NLRP5: variants seen among roughly 807,000 people sequenced by gnomAD.
The protein encoded by NLRP5 is NLR family pyrin domain containing 5.
In NLRP5, 93 loss-of-function variants were observed where a neutral mutation model predicts 113.1. That is an observed-to-expected ratio of 0.82 (90% confidence interval 0.70 to 0.98). NLRP5 has a LOEUF of 0.98. Among genes scored for constraint, NLRP5 ranks in the 50% least tolerant of loss-of-function variants. NLRP5 has a pLI of 0.00. For synonymous variants in NLRP5, 751 were observed against 600.7 expected (o/e 1.25, Z -3.66); for missense variants, 1,808 against 1,514.3 (o/e 1.19, Z -3.22).
chr19:56,053,545 T>C, intron 12 of NLRP5, 93 bp from the exon 13 acceptor site: 2 of 1,149,784 alleles, frequency 1.7e-6, no homozygotes. Context: ...CAGGAAGGAA[T>C]AAAGGAAACT....
At chr19:56,013,596 G>GGGTTTTTT (rs1555765383) in intron 3 of NLRP5, among the ~76,000 whole-genome samples, 1 of 59,284 alleles carries the variant, frequency 1.7e-5, no homozygotes, top group Non-Finnish European at 2.9e-5. Flanking sequence ...GGACATTTGG[G>GGGTTTTTT]TTTTTTTTTT....
At chr19:55,997,992 A>G (rs146562084), upstream of NLRP5, among the ~76,000 whole-genome samples, 3 of 152,326 alleles carry the variant, frequency 2.0e-5, no homozygotes, top group Non-Finnish European at 4.4e-5. Context: ...AGCAGGAAGT[A>G]CTATCTACTC....
At chr19:56,048,948 CCT>C (rs1983823186) in intron 11 of NLRP5, among the ~76,000 whole-genome samples, 1 of 146,818 alleles carries the variant, frequency 6.8e-6, no homozygotes, top group Non-Finnish European at 1.5e-5. Flanking sequence ...AATTCAAAGA[CCT>C]TGACTTCAAG....
the NLRP5 span, among the ~76,000 whole-genome samples, chr19:55,990,691 G>C: frequency 6.6e-6 from 1 of 152,108 alleles, no homozygotes; most frequent in African/African-American, 2.4e-5. Flanking sequence ...CGGGCATGGT[G>C]GTGGGCGCCT....
At position 56,038,095 on chromosome 19, in the gene NLRP5, C is replaced by T. The variant is rs766306003; in HGVS notation, c.2686C>T (p.Leu896=). 9 of 1,613,862 alleles carry T rather than the reference C, an allele frequency of 5.6e-6. No individual in the cohort carries two copies. The highest frequency in any genetic ancestry group is 1.6e-4 in the Middle Eastern group (1 of 6,084). The change falls in exon 10 of 15, where the codon CTG becomes TTG. Residue 896 remains leucine (L), a synonymous_variant. Coordinates refer to ENST00000390649, the MANE Select transcript of NLRP5 (RefSeq NM_153447.4). ...CCAAATCCTTACGACCTCCCCCAGC[C>T]TGAAATCTCTGAGCCTGGCAGGAAA...
intron 11 of NLRP5, among the ~76,000 whole-genome samples, chr19:56,044,925 C>T (rs1983667304): frequency 6.6e-6 from 1 of 152,054 alleles, no homozygotes; most frequent in Admixed American, 6.6e-5. Context: ...CTTTTACCTC[C>T]TTGGTTAGGT....
chr19:56,052,295 G>T (rs1373482027), intron 12 of NLRP5, among the ~76,000 whole-genome samples: 2 of 151,858 alleles, frequency 1.3e-5, no homozygotes, highest in African/African-American at 4.8e-5. Context: ...TGAGACAGAG[G>T]TTCTTTCTTG....
chr19:56,006,876 A>G (rs1981937058), intron 2 of NLRP5, among the ~76,000 whole-genome samples: 1 of 151,382 alleles, frequency 6.6e-6, no homozygotes, highest in Middle Eastern at 3.2e-3. Flanking sequence ...AGTAGCTGAG[A>G]CTACAGGTGC....
chr19:56,014,444 C>T (rs2123285652), intron 3 of NLRP5, among the ~76,000 whole-genome samples: 1 of 148,990 alleles, frequency 6.7e-6, no homozygotes, highest in Non-Finnish European at 1.5e-5. Flanking sequence ...CGTGCCATTG[C>T]ACTCCAGCCT....
intron 7 of NLRP5, among the ~76,000 whole-genome samples, chr19:56,030,926 C>T (rs899773358): frequency 3.3e-5 from 5 of 151,798 alleles, no homozygotes; most frequent in Admixed American, 6.6e-5. Context: ...ATTGGCCAGG[C>T]TGGTCTTGAA....
At chr19:56,004,543 G>C (rs1981781349) in intron 2 of NLRP5, among the ~76,000 whole-genome samples, 1 of 152,118 alleles carries the variant, frequency 6.6e-6, no homozygotes, top group African/African-American at 2.4e-5. Context: ...TGATAACATT[G>C]GTAGTGGTTT....
the NLRP5 span, among the ~76,000 whole-genome samples, chr19:55,993,411 T>C: frequency 1.2e-4 from 1 of 8,410 alleles, no homozygotes; most frequent in African/African-American, 7.6e-4. Flanking sequence ...CCTCTCCCCC[T>C]CCTCTCCCCC....
chr19:56,058,513 G>C, intron 14 of NLRP5, 103 bp downstream of exon 14: 1 of 1,033,676 alleles, frequency 9.7e-7, no homozygotes, highest in East Asian at 2.6e-5. Context: ...GTCATACCTT[G>C]GGAGCCACAT....
chr19:56,051,020 C>T (rs1224916683), intron 12 of NLRP5, among the ~76,000 whole-genome samples: 2 of 152,134 alleles, frequency 1.3e-5, no homozygotes, highest in Non-Finnish European at 2.9e-5. Context: ...TAAAAGAGCT[C>T]AGTGAGCAAA....
intron 7 of NLRP5, 146 bp from the exon 8 acceptor site, chr19:56,032,465 G>A (rs1983156287): frequency 1.6e-6 from 1 of 609,824 alleles, no homozygotes; most frequent in East Asian, 2.9e-5. Flanking sequence ...TGCAAAGTGT[G>A]ATGGCAGCCG....
the NLRP5 span, among the ~76,000 whole-genome samples, chr19:55,994,491 T>A: frequency 6.6e-6 from 1 of 152,164 alleles, no homozygotes; most frequent in African/African-American, 2.4e-5. Flanking sequence ...TCCAACTCCC[T>A]AGTTCAAGCG....
Position 56,011,027 on chromosome 19 carries a change from G to A in NLRP5, c.508+2174G>A, listed in dbSNP as rs750340912. Among the ~76,000 whole-genome samples the A allele has an allele frequency of 4.7e-4, 72 of 151,708 alleles. 1 individual carries two copies. The highest frequency in any genetic ancestry group is 3.4e-3 in the Middle Eastern group (1 of 294). ...ATTAGCTGAGTGTGGGAGTGTGCACGTATAGTCCCAGCTACTTGGGAAGCT... is the reference window on the plus strand; with the variant it reads ...ATTAGCTGAGTGTGGGAGTGTGCACATATAGTCCCAGCTACTTGGGAAGCT... On this transcript the variant is annotated intron_variant, in intron 3 of 14. Coordinates refer to ENST00000390649, the MANE Select transcript of NLRP5 (RefSeq NM_153447.4).
intron 14 of NLRP5, among the ~76,000 whole-genome samples, chr19:56,060,317 T>C (rs1422063722): frequency 3.3e-5 from 5 of 152,190 alleles, no homozygotes; most frequent in South Asian, 2.1e-4. Flanking sequence ...TAGTAGACTA[T>C]AAGCTTGGTA....
rs1409661024 is a variant in NLRP5, at chr19:56,026,903, C to T, written c.680-10C>T. 6.5e-7 allele frequency: 1 copy of T among 1,547,360 alleles called. No individual in the cohort carries two copies. The highest frequency in any genetic ancestry group is 1.2e-5 in the South Asian group (1 of 83,582). ...TTTCCTGATTTTCATTCTACCCTCT[C>T]TGACTCCAGGACATGGAGGTGACAC... On this transcript the variant is annotated splice_polypyrimidine_tract_variant and intron_variant, in intron 6 of 14. Transcript: ENST00000390649.
Sources: allele counts gnomAD v4.1 joint callset (sites outside exome capture counted in the v4.1 genomes callset), GRCh38; gene constraint gnomAD v4.1.1; transcripts MANE v1.5; gene names NCBI Gene and HGNC (gene_info 2026-07-23, HGNC 2026-07-21).